The following PMPCB variants were observed in gnomAD, a reference collection of about 807,000 sequenced individuals.
PMPCB encodes mitochondrial-processing peptidase subunit beta.
Under a neutral mutation model 61.5 loss-of-function variants are expected in PMPCB, and 46 were observed. The observed-to-expected ratio is 0.75, with a 90% CI of 0.59 to 0.96. The LOEUF (loss-of-function observed/expected upper bound fraction) is 0.96. Among genes scored for constraint, PMPCB ranks in the 40% least tolerant of loss-of-function variants. PMPCB has a pLI of 0.00. For missense variants in PMPCB, 590 were observed against 602.4 expected (o/e 0.98, Z 0.22); for synonymous variants, 191 against 201.6 (o/e 0.95, Z 0.44).
At chr7:103,333,285 C>G (rs1819044413), downstream of PMPCB, among the ~76,000 whole-genome samples, 1 of 152,080 alleles carries the variant, frequency 6.6e-6, no homozygotes, top group East Asian at 1.9e-4. Flanking sequence ...TATCTTTTCC[C>G]TCTTTTGAAA....
intron 4 of PMPCB, among the ~76,000 whole-genome samples, chr7:103,302,203 A>G (rs1038255014): frequency 1.3e-5 from 2 of 152,166 alleles, no homozygotes; most frequent in Non-Finnish European, 2.9e-5. Context: ...TCTATCATTG[A>G]TGGACATTTG....
chr7:103,334,360 G>A (rs1819085283), downstream of PMPCB, among the ~76,000 whole-genome samples: 1 of 151,362 alleles, frequency 6.6e-6, no homozygotes, highest in African/African-American at 2.4e-5. Context: ...TCAGGAGTTC[G>A]AGACCAGCCT....
chr7:103,341,219 C>T, the PMPCB span, among the ~76,000 whole-genome samples: 1 of 152,178 alleles, frequency 6.6e-6, no homozygotes, highest in Admixed American at 6.5e-5. Flanking sequence ...CCCTTTCAAG[C>T]AATTTCCTGT....
At chr7:103,344,447 C>G in the PMPCB span, 9 of 1,245,252 alleles carry the variant, frequency 7.2e-6, no homozygotes, top group South Asian at 1.1e-4. Context: ...CCCATACGGC[C>G]CCGGGGCTAG....
chr7:103,342,075 C>T, the PMPCB span: 572 of 652,756 alleles, frequency 8.8e-4, no homozygotes, highest in Middle Eastern at 4.5e-3. Context: ...CTTTTAAAAC[C>T]ACCGACTACG....
chr7:103,301,855 G>T (rs961785016), intron 4 of PMPCB, among the ~76,000 whole-genome samples: 3 of 151,898 alleles, frequency 2.0e-5, no homozygotes, highest in Non-Finnish European at 4.4e-5. Flanking sequence ...ACAACGTGCA[G>T]GTTTGTTACA....
At chr7:103,305,011 A>C (rs1817540345) in intron 6 of PMPCB, among the ~76,000 whole-genome samples, 1 of 152,230 alleles carries the variant, frequency 6.6e-6, no homozygotes, top group African/African-American at 2.4e-5. Context: ...TGAACTGTTC[A>C]ATACATAAGC....
intron 4 of PMPCB, among the ~76,000 whole-genome samples, chr7:103,301,458 T>A (rs1817448205): frequency 6.6e-6 from 1 of 152,248 alleles, no homozygotes; most frequent in African/African-American, 2.4e-5. Context: ...TTTAAAGAGT[T>A]GTTCATTCCA....
downstream of PMPCB, among the ~76,000 whole-genome samples, chr7:103,318,883 C>T (rs1563457911): frequency 6.6e-6 from 1 of 152,156 alleles, no homozygotes; most frequent in Non-Finnish European, 1.5e-5. Context: ...AAACCATAAA[C>T]ATCTAATCCA....
chr7:103,313,534 A>T lies in PMPCB; in HGVS notation c.*1263A>T, dbSNP rs1817877530. 1 of 983,930 alleles carries T rather than the reference A, an allele frequency of 1.0e-6. No homozygotes were observed. Among genetic ancestry groups the T allele is most frequent in the Non-Finnish European group, 1.2e-6 (1 of 828,694 alleles). The allele number at this position is 983,930 out of a possible 1,614,324, so 60.9% of individuals were successfully genotyped here. On this transcript the variant is annotated 3_prime_UTR_variant, in exon 13 of 13. Coordinates refer to ENST00000249269, the MANE Select transcript of PMPCB (RefSeq NM_004279.3). ...CCTCACAGTTAAACTTTTGCTGGAT[A>T]GAAACCCTGGAAATCATTCTTGTTT... is the stretch of plus-strand genomic sequence containing the variant.
At chr7:103,344,913 C>G in the PMPCB span, 1 of 556,838 alleles carries the variant, frequency 1.8e-6, no homozygotes, top group East Asian at 3.0e-5. Flanking sequence ...CTAGGCGCAT[C>G]AGTTTTCCTG....
In PMPCB at chr7:103,297,514, T is replaced by G; in HGVS notation, c.55T>G (p.Trp19Gly). 1.9e-6 allele frequency: 3 copies of G among 1,597,294 alleles called. No individual in the cohort carries two copies. The highest frequency in any genetic ancestry group is 2.6e-6 in the Non-Finnish European group (3 of 1,171,272). ...VLSSAARRRLWGFSESLLIRG... is the reference protein window; with the variant it reads ...VLSSAARRRLGGFSESLLIRG... ...GTCATCCGCGGCGCGGCGGCGGCTCTGGGGTTTCAGCGAGAGTCTTCTAAT... is the reference window on the plus strand; with the variant it reads ...GTCATCCGCGGCGCGGCGGCGGCTCGGGGGTTTCAGCGAGAGTCTTCTAAT... Residue 19 changes from tryptophan (W) to glycine (G), a missense_variant, in exon 1 of 13, where the codon TGG (tryptophan) becomes GGG (glycine). By Grantham distance (184) the Trp-to-Gly change is radical (BLOSUM62 -2). Coordinates refer to ENST00000249269, the MANE Select transcript of PMPCB (RefSeq NM_004279.3).
chr7:103,341,310 C>T, the PMPCB span, among the ~76,000 whole-genome samples: 4 of 152,154 alleles, frequency 2.6e-5, no homozygotes, highest in South Asian at 8.3e-4. Flanking sequence ...AATTTTAATT[C>T]CTTCTTTAGC....
downstream of PMPCB, among the ~76,000 whole-genome samples, chr7:103,332,884 A>G (rs1819028836): frequency 6.6e-6 from 1 of 152,180 alleles, no homozygotes; most frequent in Admixed American, 6.5e-5. Flanking sequence ...TCAGCCTTCT[A>G]AAGTGCTGGG....
chr7:103,319,734 A>G (rs921997739), intron 12 of PMPCB: 1 of 1,614,200 alleles, frequency 6.2e-7, no homozygotes, highest in Non-Finnish European at 8.5e-7. Flanking sequence ...TGAAGACTTC[A>G]ATAGCAGTTC....
chr7:103,343,465 T>C, the PMPCB span, among the ~76,000 whole-genome samples: 1 of 152,194 alleles, frequency 6.6e-6, no homozygotes, highest in Non-Finnish European at 1.5e-5. Flanking sequence ...AACCAGACAC[T>C]CTGGGTTTTA....
chr7:103,322,081 G>T, intron 12 of PMPCB: 4 of 1,593,696 alleles, frequency 2.5e-6, no homozygotes, highest in Non-Finnish European at 3.4e-6. Context: ...GCTTGTCTTT[G>T]CTTTAAAAAA....
the PMPCB span, chr7:103,344,355 G>A: frequency 8.3e-6 from 5 of 601,446 alleles, no homozygotes; most frequent in African/African-American, 9.3e-5. Context: ...AGGAGCAAAA[G>A]GAAGGCACCC....
At chr7:103,330,962 C>T (rs1818945929), downstream of PMPCB, among the ~76,000 whole-genome samples, 1 of 151,094 alleles carries the variant, frequency 6.6e-6, no homozygotes, top group African/African-American at 2.4e-5. Context: ...TGAACAAAAT[C>T]CATTTTTTTT....
Sources: allele counts gnomAD v4.1 joint callset (sites outside exome capture counted in the v4.1 genomes callset), GRCh38; gene constraint gnomAD v4.1.1; transcripts MANE v1.5; gene names NCBI Gene and HGNC (gene_info 2026-07-23, HGNC 2026-07-21).